Variants in PIAS1 observed in about 807,000 individuals in gnomAD.
PIAS1 encodes protein inhibitor of activated STAT 1, also known as E3 SUMO-protein ligase PIAS1.
PIAS1 carries 6 observed loss-of-function variants against 71.3 expected under a neutral mutation model. The observed-to-expected ratio is 0.08, with a 90% CI of 0.05 to 0.17. PIAS1 has a LOEUF of 0.17. Among genes scored for constraint, PIAS1 ranks in the 10% least tolerant of loss-of-function variants. The pLI, the probability that PIAS1 is intolerant of heterozygous loss-of-function variation, is 1.00. For missense variants in PIAS1, 555 were observed against 793.6 expected (o/e 0.70, Z 3.61); for synonymous variants, 303 against 292.9 (o/e 1.03, Z -0.35).
At position 68,086,405 on chromosome 15, in the gene PIAS1, C is replaced by T. The variant is rs370200166; in HGVS notation, c.124C>T (p.Leu42=). 1.2e-4 allele frequency: 188 copies of T among 1,613,706 alleles called. No homozygotes were observed. Among genetic ancestry groups the T allele is most frequent in the Non-Finnish European group, 2.4e-5 (28 of 1,179,804 alleles). ...CAAACACGAACTTCTCACAAAAGCC[C>T]TGCATTTGCTAAAGGCTGGCTGTAG... ...GRKHELLTKA[L]HLLKAGCSPA... is the part of the protein sequence containing the mutation. The change falls in exon 2 of 14, where the codon CTG becomes TTG. Residue 42 remains leucine, a synonymous_variant. Transcript: ENST00000249636. The surrounding 1 kb of genome is among the most constrained non-coding windows in gnomAD (Gnocchi z 7.2).
chr15:68,175,731 G>T lies in PIAS1; in HGVS notation c.1264G>T (p.Val422Leu), dbSNP rs768065521. 1.2e-6 allele frequency: 2 copies of T among 1,606,848 alleles called. No homozygotes were observed. Among genetic ancestry groups the T allele is most frequent in the Admixed American group, 1.7e-5 (1 of 59,372 alleles). Residue 422 changes from valine to leucine, a missense_variant, in exon 10 of 14, where the codon GTA becomes TTA. By Grantham distance (32) the Val-to-Leu change is conservative. Transcript: ENST00000249636. ...GGCACCGATGAGATCAAAAAAGGAA[G>T]TACAGGAAGTTTCTGCCTCTTACAA... is the stretch of plus-strand genomic sequence containing the variant. ...TWAPMRSKKE[V>L]QEVSASYNGV...
chr15:68,134,943 C>T (rs1416732357), intron 2 of PIAS1, among the ~76,000 whole-genome samples: 4 of 48,902 alleles, frequency 8.2e-5, no homozygotes, highest in Middle Eastern at 0.011. Context: ...CCCCACCCCC[C>T]GGACGGGGCG....
At chr15:68,059,655 G>A (rs1567021341) in intron 1 of PIAS1, among the ~76,000 whole-genome samples, 1 of 147,848 alleles carries the variant, frequency 6.8e-6, no homozygotes, top group Non-Finnish European at 1.5e-5. Flanking sequence ...AGGTTGCAGC[G>A]AGATTGCGCC....
chr15:68,079,410 A>G (rs1015479384), intron 1 of PIAS1, among the ~76,000 whole-genome samples: 2 of 152,158 alleles, frequency 1.3e-5, no homozygotes, highest in East Asian at 1.9e-4. Flanking sequence ...AAGTCTGGCA[A>G]TGTGTTAGAA....
At chr15:68,081,077 C>T (rs1349590346) in intron 1 of PIAS1, among the ~76,000 whole-genome samples, 1 of 152,168 alleles carries the variant, frequency 6.6e-6, no homozygotes, top group African/African-American at 2.4e-5. Context: ...TGAGTATTGT[C>T]TGTATTTATC....
intron 1 of PIAS1, among the ~76,000 whole-genome samples, chr15:68,080,205 G>A (rs1471168261): frequency 6.6e-6 from 1 of 152,058 alleles, no homozygotes; most frequent in Non-Finnish European, 1.5e-5. Flanking sequence ...CATGAAATGT[G>A]GTAGTATATA....
chr15:68,054,335 C>T lies in PIAS1; in HGVS notation c.9C>T (p.Asp3=). 1 of 1,577,096 alleles carries T rather than the reference C, an allele frequency of 6.3e-7. No individual in the cohort carries two copies. Residue 3 remains aspartate, a synonymous_variant, in exon 1 of 14, where the codon GAC becomes GAT. Transcript: ENST00000249636. This position sits in a 1 kb window ranked among gnomAD's most constrained non-coding sequence, Gnocchi z 4.6. MA[D]SAELKQMVMS... is the part of the protein sequence containing the mutation. ...GCGCTGACAGACGCAAGATGGCGGACAGTGCGGAACTAAAGGTAAAGCGCA... is the reference window on the plus strand; with the variant it reads ...GCGCTGACAGACGCAAGATGGCGGATAGTGCGGAACTAAAGGTAAAGCGCA...
intron 1 of PIAS1, among the ~76,000 whole-genome samples, chr15:68,077,416 G>A (rs958881558): frequency 6.6e-6 from 1 of 152,206 alleles, no homozygotes; most frequent in African/African-American, 2.4e-5. Context: ...AAGGAAAAGA[G>A]TCCTTTTAAC....
At chr15:68,090,029 G>T (rs1241691172) in intron 2 of PIAS1, among the ~76,000 whole-genome samples, 1 of 151,562 alleles carries the variant, frequency 6.6e-6, no homozygotes, top group East Asian at 1.9e-4. Flanking sequence ...ACAGACACGT[G>T]CCACCATGAC....
chr15:68,104,207 C>T (rs567182986), intron 2 of PIAS1, among the ~76,000 whole-genome samples: 1 of 152,284 alleles, frequency 6.6e-6, no homozygotes, highest in East Asian at 1.9e-4. Context: ...TTTAAAAACT[C>T]AGTCTTAAAA....
At chr15:68,118,391 C>T (rs1021204596) in intron 2 of PIAS1, among the ~76,000 whole-genome samples, 2 of 151,988 alleles carry the variant, frequency 1.3e-5, no homozygotes, top group African/African-American at 2.4e-5. Context: ...GGCTAGAGTG[C>T]GGTGGCACAA....
At chr15:68,102,026 G>A (rs535039608) in intron 2 of PIAS1, among the ~76,000 whole-genome samples, 1 of 152,320 alleles carries the variant, frequency 6.6e-6, no homozygotes, top group Admixed American at 6.5e-5. Flanking sequence ...GTGAGCCACA[G>A]TGCCTAGCCA....
chr15:68,119,940 T>C (rs2092599540), intron 2 of PIAS1, among the ~76,000 whole-genome samples: 1 of 152,224 alleles, frequency 6.6e-6, no homozygotes, highest in Non-Finnish European at 1.5e-5. Flanking sequence ...ATCTACTTTC[T>C]CTGACAGCTT....
chr15:68,075,078 CTTTTTTTTTTTTT>C lies in PIAS1; in HGVS notation c.25-11214_25-11202del, dbSNP rs146114696. On this transcript the variant is annotated intron_variant, in intron 1 of 13. Coordinates refer to ENST00000249636, the MANE Select transcript of PIAS1 (RefSeq NM_016166.3). ...ATAAAAACATTTTCTTTCTTTCTTT[CTTTTTTTTTTTTT>C]TTTTTTTTTTTTTGAGGCGGAGTCT... Among the ~76,000 whole-genome samples, 10 of 81,784 alleles carry C rather than the reference CTTTTTTTTTTTTT, an allele frequency of 1.2e-4. 1 individual carries two copies. The highest frequency in any genetic ancestry group is 1.7e-4 in the Non-Finnish European group (7 of 42,042). 53.7% of individuals were successfully genotyped at this position (81,784 alleles called of 152,430 possible).
In PIAS1 at chr15:68,058,620, T is replaced by G. The variant is rs183988348; in HGVS notation, c.24+4270T>G. Among the ~76,000 whole-genome samples the G allele has an allele frequency of 3.9e-5, 6 of 152,328 alleles. No homozygotes were observed. In the East Asian group the frequency reaches 1.2e-3, roughly 29 times the overall value. ...TTGGAAAAGCTCTATGCTAGGGTAT[T>G]TTTGGATATTCTAGGGCATTTTGCA... On this transcript the variant is annotated intron_variant, in intron 1 of 13. Coordinates refer to ENST00000249636, the MANE Select transcript of PIAS1 (RefSeq NM_016166.3).
chr15:68,078,015 G>A (rs1337754178), intron 1 of PIAS1, among the ~76,000 whole-genome samples: 1 of 152,110 alleles, frequency 6.6e-6, no homozygotes, highest in Non-Finnish European at 1.5e-5. Context: ...ACTGTTCATT[G>A]TCTCTTGTCT....
At chr15:68,164,855 C>T in intron 8 of PIAS1, 51 bp downstream of exon 8, 1 of 953,792 alleles carries the variant, frequency 1.0e-6, no homozygotes, top group East Asian at 2.6e-5. Context: ...TACATTTTCT[C>T]TTTTTATTAA....
chr15:68,060,410 C>T (rs1024843280), intron 1 of PIAS1, among the ~76,000 whole-genome samples: 9 of 151,978 alleles, frequency 5.9e-5, no homozygotes, highest in Admixed American at 2.0e-4. Flanking sequence ...GTCAGGAGTT[C>T]GAGACCAGCC....
At chr15:68,160,320 C>T (rs2092916739) in intron 7 of PIAS1, among the ~76,000 whole-genome samples, 1 of 151,908 alleles carries the variant, frequency 6.6e-6, no homozygotes, top group South Asian at 2.1e-4. Context: ...TCATTTTTTC[C>T]CCCACATAGA....
Sources: gnomAD v4.1 joint callset for allele counts (sites outside exome capture counted in the v4.1 genomes callset) on GRCh38, gnomAD v4.1.1 for gene constraint, Gnocchi (gnomAD v3.1) non-coding constraint, MANE v1.5 for transcripts, NCBI Gene and HGNC (gene_info 2026-07-23, HGNC 2026-07-21) for gene names.